Variants in RUNDC1 observed in about 807,000 individuals in gnomAD.
The protein encoded by RUNDC1 is RUN domain containing 1.
In RUNDC1, 31 loss-of-function variants were observed where a neutral mutation model predicts 49.3. The observed-to-expected ratio is 0.63, with a 90% CI of 0.47 to 0.85. The LOEUF is 0.85. Among genes scored for constraint, RUNDC1 ranks in the 40% least tolerant of loss-of-function variants. The pLI is 0.00. For synonymous variants in RUNDC1, 347 were observed against 348.6 expected, an observed-to-expected ratio of 1.00 and a Z score of 0.05; for missense variants, 715 against 806.7, an observed-to-expected ratio of 0.89 and a Z score of 1.38.
intron 1 of RUNDC1, among the ~76,000 whole-genome samples, chr17:42,983,961 G>A (rs2050136658): frequency 6.6e-6 from 1 of 151,568 alleles, no homozygotes; most frequent in African/African-American, 2.4e-5. Context: ...TGGGATTATA[G>A]GTGTGAGCCA....
chr17:42,981,036 C>A lies in RUNDC1; in HGVS notation c.460C>A (p.Leu154Met), dbSNP rs1234017320. The stretch of plus-strand genomic sequence containing the variant: ...CCCCGCCAGCGATGAGGGCGATGGG[C>A]TGCCAGGGGACCGGCCATGGTTGCG... ...GDPASDEGDG[L>M]PGDRPWLRGE... Residue 154 changes from leucine (L) to methionine (M), a missense_variant, in exon 1 of 5, where the codon CTG becomes ATG. Around this residue, in one of 5 missense-constraint regions of RUNDC1, gnomAD observed 113 missense variants for 93.4 expected, o/e 1.21. Coordinates refer to ENST00000361677, the MANE Select transcript of RUNDC1 (RefSeq NM_173079.5). 6.4e-7 allele frequency: 1 copy of A among 1,556,224 alleles called. No individual in the cohort carries two copies. The highest frequency in any genetic ancestry group is 8.6e-7 in the Non-Finnish European group (1 of 1,158,364).
chr17:42,989,194 C>G, intron 2 of RUNDC1, 147 bp from the exon 3 acceptor site: 1 of 626,178 alleles, frequency 1.6e-6, no homozygotes, highest in Non-Finnish European at 2.8e-6. Flanking sequence ...TCACCTTGAT[C>G]AATCAGCAGT....
At position 42,983,762 on chromosome 17, in the gene RUNDC1, C is replaced by T. The variant is rs192445334; in HGVS notation, c.498+2688C>T. ...TCTTGGCTCACAGCAACCTCCGCCT[C>T]CTGGGTTCAAGCGATTCTCCTGCCT... On this transcript the variant is annotated intron_variant, in intron 1 of 4. Transcript: ENST00000361677. Among the ~76,000 whole-genome samples the T allele has an allele frequency of 3.1e-3, 473 of 152,034 alleles. 1 individual carries two copies. Among genetic ancestry groups the T allele is most frequent in the Middle Eastern group, 0.01 (3 of 294 alleles).
In RUNDC1 at chr17:42,980,575, A is replaced by C. The variant is rs778475180; in HGVS notation, c.-2A>C. 1.9e-6 allele frequency: 3 copies of C among 1,609,578 alleles called. No individual in the cohort carries two copies. In the Admixed American group the frequency reaches 5.0e-5, roughly 27 times the overall value. On this transcript the variant is annotated 5_prime_UTR_variant, in exon 1 of 5. Coordinates refer to ENST00000361677, the MANE Select transcript of RUNDC1 (RefSeq NM_173079.5). ...CTGACGTGCGGTGGTGTTTCCGGGA[A>C]GATGGCGGCTGTCGAAGCGGCTGCA... is the stretch of plus-strand genomic sequence containing the variant.
intron 1 of RUNDC1, among the ~76,000 whole-genome samples, chr17:42,984,767 G>C (rs1339671114): frequency 2.7e-5 from 1 of 36,802 alleles, no homozygotes; most frequent in Non-Finnish European, 8.6e-5. Flanking sequence ...TTGGGTAACA[G>C]TGAGAACAAA....
At chr17:42,987,494 A>C in intron 2 of RUNDC1, 80 bp downstream of exon 2, 7 of 1,376,880 alleles carry the variant, frequency 5.1e-6, no homozygotes, top group Non-Finnish European at 5.1e-6. Flanking sequence ...ATCCTCTCTC[A>C]GCTCAGTTCT....
chr17:42,986,102 C>A (rs2151958231), intron 1 of RUNDC1, among the ~76,000 whole-genome samples: 1 of 152,134 alleles, frequency 6.6e-6, no homozygotes, highest in East Asian at 1.9e-4. Flanking sequence ...TAGACTCAAG[C>A]CATCATCTTG....
chr17:42,981,254 C>T (rs1471968897), intron 1 of RUNDC1, 180 bp downstream of exon 1: 1 of 752,246 alleles, frequency 1.3e-6, no homozygotes, highest in Non-Finnish European at 2.0e-6. Context: ...GGACAGAGGC[C>T]TGGGAACCTG....
At position 42,994,752 on chromosome 17, in the gene RUNDC1, C is replaced by T. The variant is rs544105210; in HGVS notation, c.*3036C>T. On this transcript the variant is annotated 3_prime_UTR_variant, in exon 5 of 5. Transcript: ENST00000361677. ...CATCAGCATCCCTGCAGTCAGATAT[C>T]TGCTAAGCTCTGATATCATCTGTCA... Among the ~76,000 whole-genome samples, 4 of 152,170 alleles carry T rather than the reference C, an allele frequency of 2.6e-5. No individual in the cohort carries two copies. Among genetic ancestry groups the T allele is most frequent in the Admixed American group, 6.5e-5 (1 of 15,270 alleles).
rs775426856 is a variant in RUNDC1 at position 42,981,086 on chromosome 17, G to C, written c.498+12G>C. On this transcript the variant is annotated intron_variant, in intron 1 of 4. Transcript: ENST00000361677. The stretch of plus-strand genomic sequence containing the variant: ...GGGGCGAGGACCAGGTGAGTGGCTG[G>C]AGCCGGGCCGCGAGGAATATGGGAA... 6.4e-6 allele frequency: 10 copies of C among 1,553,808 alleles called. No homozygotes were observed. The highest frequency in any genetic ancestry group is 6.0e-6 in the Non-Finnish European group (7 of 1,158,072).
intron 1 of RUNDC1, among the ~76,000 whole-genome samples, chr17:42,984,416 G>A (rs1411637966): frequency 6.6e-6 from 1 of 152,044 alleles, no homozygotes; most frequent in African/African-American, 2.4e-5. Flanking sequence ...TAGTAGCTGG[G>A]ACTGCAGGCA....
intron 2 of RUNDC1, among the ~76,000 whole-genome samples, chr17:42,988,540 A>T (rs2050199623): frequency 6.6e-6 from 1 of 152,186 alleles, no homozygotes; most frequent in Non-Finnish European, 1.5e-5. Flanking sequence ...GATGTGAGCC[A>T]CCGCACCCAG....
At chr17:42,988,815 C>G (rs1183266110) in intron 2 of RUNDC1, among the ~76,000 whole-genome samples, 1 of 151,864 alleles carries the variant, frequency 6.6e-6, no homozygotes, top group Non-Finnish European at 1.5e-5. Flanking sequence ...CCTGTCTCTA[C>G]AAAAAATTTA....
Position 42,989,437 on chromosome 17 carries a change from G to T in RUNDC1, c.754G>T (p.Ala252Ser). The change falls in exon 3 of 5, where the codon GCA becomes TCA. Residue 252 changes from alanine (A) to serine (S), a missense_variant. Coordinates refer to ENST00000361677, the MANE Select transcript of RUNDC1 (RefSeq NM_173079.5). ...AGAGCTTCGTCAGCGTGTAGATGCA[G>T]CAGTGGCTCAGATCGTCAACCCAGC... ...TEELRQRVDA[A>S]VAQIVNPARV... The T allele has an allele frequency of 1.2e-6, 2 of 1,614,030 alleles. No individual in the cohort carries two copies.
intron 1 of RUNDC1, among the ~76,000 whole-genome samples, chr17:42,984,083 G>C (rs1375922015): frequency 6.7e-6 from 1 of 149,242 alleles, no homozygotes; most frequent in African/African-American, 2.5e-5. Context: ...CATCCTCCCA[G>C]CTCAGCCTCC....
chr17:42,982,080 G>A (rs2050105115), intron 1 of RUNDC1: 1 of 146,366 alleles, frequency 6.8e-6, no homozygotes, highest in Admixed American at 7.1e-5. Flanking sequence ...CTGCCTCCTG[G>A]GCTCAAGCAA....
chr17:42,980,678 G>A lies in RUNDC1; in HGVS notation c.102G>A (p.Pro34=). Residue 34 remains proline, a synonymous_variant, in exon 1 of 5, where the codon CCG becomes CCA. Transcript: ENST00000361677. The part of the protein sequence containing the change: ...EEEEEEEPLP[P]CEAVRWAPVG... ...AGGAGGAAGAGGAGCCGCTGCCACC[G>A]TGCGAGGCGGTGCGCTGGGCCCCAG... 6 of 1,573,226 alleles carry A rather than the reference G, an allele frequency of 3.8e-6. No homozygotes were observed. Among genetic ancestry groups the A allele is most frequent in the Non-Finnish European group, 5.2e-6 (6 of 1,162,678 alleles).
rs1043281 is a variant in RUNDC1, at chr17:42,993,420, C to G, written c.*1704C>G. On this transcript the variant is annotated 3_prime_UTR_variant, in exon 5 of 5. Transcript: ENST00000361677. ...TTGCCACCTGCACTTTGTTTCTGCA[C>G]TATTATGTAGTGCATTTTAACTTAA... The G allele has an allele frequency of 6.6e-6, 1 of 152,160 alleles. No homozygotes were observed. The highest frequency in any genetic ancestry group is 1.5e-5 in the Non-Finnish European group (1 of 68,026). The allele number at this position is 152,160 out of a possible 1,614,324, so 9.4% of individuals were successfully genotyped here.
At position 42,990,413 on chromosome 17, in the gene RUNDC1, G is replaced by C; in HGVS notation, c.953G>C (p.Arg318Thr). Residue 318 changes from arginine (R) to threonine (T), a missense_variant, in exon 4 of 5, where the codon AGA (arginine) becomes ACA (threonine). Coordinates refer to ENST00000361677, the MANE Select transcript of RUNDC1 (RefSeq NM_173079.5). ...GNGCSRTGSS[R>T]TPPGNSKTKA... is the part of the protein sequence containing the mutation. Reference sequence around the variant, plus strand: ...GGCTGCAGCAGAACAGGCAGCAGCAGAACGCCTCCAGGAAACAGCAAAAGT... The same window carrying C: ...GGCTGCAGCAGAACAGGCAGCAGCACAACGCCTCCAGGAAACAGCAAAAGT... The C allele has an allele frequency of 1.2e-6, 2 of 1,614,000 alleles. No individual in the cohort carries two copies. The highest frequency in any genetic ancestry group is 1.7e-6 in the Non-Finnish European group (2 of 1,180,026).
Sources: gnomAD v4.1 joint callset for allele counts (sites outside exome capture counted in the v4.1 genomes callset) on GRCh38, gnomAD v4.1.1 for gene constraint, gnomAD v4.1.1 regional missense constraint, MANE v1.5 for transcripts, NCBI Gene and HGNC (gene_info 2026-07-23, HGNC 2026-07-21) for gene names.